The following CDK12 variants were observed in gnomAD, a reference collection of about 807,000 sequenced individuals.
CDK12 encodes cyclin dependent kinase 12.
CDK12 carries 17 observed loss-of-function variants against 133.8 expected under a neutral mutation model. The ratio of observed to expected loss-of-function variants is 0.13; its 90% confidence interval spans 0.09 to 0.19. The LOEUF (loss-of-function observed/expected upper bound fraction) is 0.19. CDK12 is among the 10% of genes least tolerant of loss of function. CDK12 has a pLI of 1.00. For synonymous variants in CDK12, 694 were observed against 683.6 expected (o/e 1.02, Z -0.24); for missense variants, 1,508 against 1,818.7 (o/e 0.83, Z 3.11).
At chr17:39,463,298 A>G (rs538116069) in intron 1 of CDK12, among the ~76,000 whole-genome samples, 181 bp downstream of exon 1, 3 of 152,202 alleles carry the variant, frequency 2.0e-5, no homozygotes, top group Admixed American at 6.5e-5. Flanking sequence ...AGAAGTGAAG[A>G]GTACATAGGC....
At chr17:39,470,634 C>G (rs557143055) in intron 1 of CDK12, among the ~76,000 whole-genome samples, 1 of 152,196 alleles carries the variant, frequency 6.6e-6, no homozygotes, top group East Asian at 1.9e-4. Flanking sequence ...TTTAGATTTA[C>G]TTAGTCTACC....
intron 5 of CDK12, among the ~76,000 whole-genome samples, chr17:39,494,974 T>C (rs1598043679): frequency 6.6e-6 from 1 of 152,072 alleles, no homozygotes; most frequent in Admixed American, 6.6e-5. Flanking sequence ...GGTTTCACCG[T>C]GTTAGCCAGG....
intron 2 of CDK12, among the ~76,000 whole-genome samples, chr17:39,490,116 C>T (rs2051466500): frequency 6.6e-6 from 1 of 151,704 alleles, no homozygotes; most frequent in South Asian, 2.1e-4. Flanking sequence ...CCTGTAATCC[C>T]AGCATTTTGG....
chr17:39,560,993 G>A (rs189593781), intron 3 of CDK12, among the ~76,000 whole-genome samples: 74 of 152,224 alleles, frequency 4.9e-4, no homozygotes, highest in African/African-American at 1.6e-3. Flanking sequence ...CAGCCTGGGC[G>A]ACACAGCAAG....
chr17:39,506,976 A>C (rs1271760605), intron 6 of CDK12, among the ~76,000 whole-genome samples: 1 of 151,906 alleles, frequency 6.6e-6, no homozygotes, highest in African/African-American at 2.4e-5. Flanking sequence ...AGCTCACTGC[A>C]ACCTCCGCCT....
intron 1 of CDK12, among the ~76,000 whole-genome samples, chr17:39,541,422 C>T (rs1222867363): frequency 6.8e-6 from 1 of 146,156 alleles, no homozygotes; most frequent in African/African-American, 2.7e-5. Context: ...GGCTGGAGTG[C>T]AGTGGCGCGA....
chr17:39,467,213 A>G (rs10445307), intron 1 of CDK12, among the ~76,000 whole-genome samples: 103,735 of 151,786 alleles, frequency 0.68, 36,347 homozygotes, highest in South Asian at 0.89. Context: ...TCTTGACCTC[A>G]GGATCTGCCT....
At chr17:39,541,813 T>A (rs974785859) in intron 1 of CDK12, among the ~76,000 whole-genome samples, 2 of 152,214 alleles carry the variant, frequency 1.3e-5, no homozygotes, top group African/African-American at 4.8e-5. Context: ...CCTGATGGAA[T>A]GACACGTCTT....
At chr17:39,528,900 G>T (rs950747172) in intron 13 of CDK12, among the ~76,000 whole-genome samples, 14 of 152,130 alleles carry the variant, frequency 9.2e-5, no homozygotes, top group Admixed American at 2.0e-4. Flanking sequence ...GTACAGTGAT[G>T]TCCTTATATA....
intron 9 of CDK12, 130 bp downstream of exon 9, chr17:39,515,938 T>G (rs1190262221): frequency 1.7e-6 from 1 of 583,868 alleles, no homozygotes; most frequent in Non-Finnish European, 3.0e-6. Flanking sequence ...CTTTACTCAG[T>G]CAGGTTTACC....
In CDK12 at chr17:39,462,538, A is replaced by C. The variant is rs2049028438; in HGVS notation, c.467A>C (p.Glu156Ala). The C allele has an allele frequency of 6.2e-7, 1 of 1,614,214 alleles. No homozygotes were observed. The highest frequency in any genetic ancestry group is 8.5e-7 in the Non-Finnish European group (1 of 1,180,040). ...TCGGGAAGTTCAAAGCGTTCGAATG[A>C]GGAGACTGATGACTATGGGAAGGCG... is the stretch of plus-strand genomic sequence containing the variant. Reference protein sequence around the residue: ...RISGSSKRSNEETDDYGKAQV... With the variant: ...RISGSSKRSNAETDDYGKAQV... The change falls in exon 1 of 14, where the codon GAG (glutamate) becomes GCG (alanine). Residue 156 changes from glutamate (E) to alanine (A), a missense_variant. Transcript: ENST00000447079.
At chr17:39,490,499 A>T (rs973971382) in intron 2 of CDK12, 58 bp from the exon 3 acceptor site, 2 of 1,306,968 alleles carry the variant, frequency 1.5e-6, no homozygotes, top group Admixed American at 4.9e-5. Context: ...ATCTTTGAAA[A>T]TTTTTATTTG....
chr17:39,520,233 T>G lies in CDK12; in HGVS notation c.3095+146T>G. 3 of 764,246 alleles carry G rather than the reference T, an allele frequency of 3.9e-6. No individual in the cohort carries two copies. The South Asian group carries it at 6.5e-5, about 17-fold the overall frequency. 47.3% of individuals were successfully genotyped at this position (764,246 alleles called of 1,614,324 possible). ...ATGGTTGAGGTTTGTTTTTTTTGTTTTATCTTTGTTGTTTTTTTCTTTATA... is the reference window on the plus strand; with the variant it reads ...ATGGTTGAGGTTTGTTTTTTTTGTTGTATCTTTGTTGTTTTTTTCTTTATA... On this transcript the variant is annotated intron_variant, in intron 11 of 13. Coordinates refer to ENST00000447079, the MANE Select transcript of CDK12 (RefSeq NM_016507.4).
chr17:39,531,391 A>G lies in CDK12; in HGVS notation c.*75A>G. The G allele has an allele frequency of 9.1e-6, 12 of 1,314,712 alleles. No individual in the cohort carries two copies. Among genetic ancestry groups the G allele is most frequent in the Non-Finnish European group, 1.2e-5 (12 of 1,017,672 alleles). 81.4% of individuals were successfully genotyped at this position (1,314,712 alleles called of 1,614,324 possible). ...TCCAGTTCTCTGAATCTTTAATGAA[A>G]TCATTTGCCAGAGCGAGGTAATCAT... On this transcript the variant is annotated 3_prime_UTR_variant, in exon 14 of 14. Transcript: ENST00000447079.
intron 3 of CDK12, among the ~76,000 whole-genome samples, chr17:39,563,863 A>G (rs887190055): frequency 6.6e-6 from 1 of 152,160 alleles, no homozygotes; most frequent in Admixed American, 6.5e-5. Context: ...TTGTGGTCAT[A>G]TTAGAAAAAC....
chr17:39,483,142 T>C (rs2050854871), intron 2 of CDK12, among the ~76,000 whole-genome samples: 1 of 151,430 alleles, frequency 6.6e-6, no homozygotes, highest in South Asian at 2.1e-4. Context: ...CGAACTCCTG[T>C]CCTCAAGTGA....
At chr17:39,491,217 A>G (rs1189223831) in intron 3 of CDK12, among the ~76,000 whole-genome samples, 1 of 152,072 alleles carries the variant, frequency 6.6e-6, no homozygotes, top group Non-Finnish European at 1.5e-5. Context: ...TTTATTGAGC[A>G]CGTATTATTG....
intron 2 of CDK12, among the ~76,000 whole-genome samples, chr17:39,476,716 T>TTTTTTTTTTTTC (rs2050229078): frequency 9.9e-6 from 1 of 100,766 alleles, no homozygotes; most frequent in African/African-American, 4.1e-5. Flanking sequence ...CCTGCCTTTT[T>TTTTTTTTTTTTC]TTTTTTTTTT....
At chr17:39,493,370 T>C (rs1019544064) in intron 4 of CDK12, among the ~76,000 whole-genome samples, 5 of 151,086 alleles carry the variant, frequency 3.3e-5, no homozygotes, top group African/African-American at 1.2e-4. Flanking sequence ...AGTGAGTGGA[T>C]CAATCTCTGC....
Sources: gnomAD v4.1 joint callset for allele counts (sites outside exome capture counted in the v4.1 genomes callset) on GRCh38, gnomAD v4.1.1 for gene constraint, MANE v1.5 for transcripts, NCBI Gene and HGNC (gene_info 2026-07-23, HGNC 2026-07-21) for gene names.